Variants in PDCD7 observed in about 807,000 individuals in gnomAD.
PDCD7 encodes programmed cell death 7, also known as programmed cell death protein 7.
A neutral mutation model predicts 42.1 loss-of-function variants in PDCD7; 40 were observed. The ratio of observed to expected loss-of-function variants is 0.95; its 90% CI spans 0.74 to 1.24. The LOEUF (loss-of-function observed/expected upper bound fraction) is 1.24. PDCD7 is among the 50% of genes most tolerant of loss of function. The pLI, the probability that PDCD7 is intolerant of heterozygous loss-of-function variation, is 0.00. For synonymous variants in PDCD7, 299 were observed against 303.3 expected, an observed-to-expected ratio of 0.99 and a Z score of 0.15; for missense variants, 644 against 662.8, an observed-to-expected ratio of 0.97 and a Z score of 0.31.
chr15:65,132,830 G>C (rs2087552172), intron 1 of PDCD7, 82 bp downstream of exon 1: 8 of 1,572,798 alleles, frequency 5.1e-6, no homozygotes, highest in Non-Finnish European at 6.9e-6. Context: ...CTTAGCCCTG[G>C]GAAATGGAAG....
intron 1 of PDCD7, among the ~76,000 whole-genome samples, chr15:65,131,819 T>TA (rs2087542085): frequency 6.6e-6 from 1 of 152,072 alleles, no homozygotes; most frequent in Non-Finnish European, 1.5e-5. Flanking sequence ...TGGCCCTGCT[T>TA]AAAGAGTCTG....
Position 65,132,955 on chromosome 15 carries a change from C to T in PDCD7, c.827G>A (p.Arg276His). 6.2e-7 allele frequency: 1 copy of T among 1,606,448 alleles called. No individual in the cohort carries two copies. The change falls in exon 1 of 5, where the codon CGC (arginine) becomes CAC (histidine). Residue 276 changes from arginine to histidine, a missense_variant. Coordinates refer to ENST00000204549, the MANE Select transcript of PDCD7 (RefSeq NM_005707.2). ...RAVEREQEID[R>H]WRVKCVQEVE... is the part of the protein sequence containing the mutation. ...CTCCTGCACACACTTCACCCTCCAG[C>T]GGTCAATCTCCTGCTCGCGTTCCAC...
At chr15:65,120,450 CCCTA>C (rs1356829046) in intron 2 of PDCD7, among the ~76,000 whole-genome samples, 1 of 152,140 alleles carries the variant, frequency 6.6e-6, no homozygotes, top group African/African-American at 2.4e-5. Flanking sequence ...CTGTGCCTGG[CCCTA>C]CCTACTAATT....
Position 65,133,102 on chromosome 15 carries a change from G to T in PDCD7, c.680C>A (p.Thr227Asn). The T allele has an allele frequency of 6.4e-7, 1 of 1,555,946 alleles. No individual in the cohort carries two copies. Among genetic ancestry groups the T allele is most frequent in the Non-Finnish European group, 8.6e-7 (1 of 1,157,862 alleles). Residue 227 changes from threonine to asparagine, a missense_variant, in exon 1 of 5, where the codon ACC becomes AAC. Thr to Asn is a moderately conservative substitution (Grantham distance 65). Transcript: ENST00000204549. The stretch of plus-strand genomic sequence containing the variant: ...CGCCTCGCCCACATAGGCAGCCTGG[G>T]TCAACGGCTGTAGCCGCTCGGCCAG... ...AELAERLQPL[T>N]QAAYVGEARR...
intron 2 of PDCD7, among the ~76,000 whole-genome samples, chr15:65,121,496 G>A (rs1223812806): frequency 1.3e-5 from 2 of 152,132 alleles, no homozygotes; most frequent in African/African-American, 2.4e-5. Flanking sequence ...TTCTTCCTCT[G>A]ACTGAGTGTG....
At chr15:65,128,979 CTAGAG>C (rs2087517641) in intron 2 of PDCD7, 48 bp downstream of exon 2, 4 of 1,595,778 alleles carry the variant, frequency 2.5e-6, no homozygotes, top group Non-Finnish European at 3.4e-6. Context: ...GTGGGAGGAG[CTAGAG>C]TAAAGAAGGG....
Position 65,133,170 on chromosome 15 carries a change from G to A in PDCD7, c.612C>T (p.Ala204=). Residue 204 remains alanine, a synonymous_variant, in exon 1 of 5, where the codon GCC becomes GCT. Coordinates refer to ENST00000204549, the MANE Select transcript of PDCD7 (RefSeq NM_005707.2). ...ALREAEADGA[A]WVLLYSQTAP... is the part of the protein sequence containing the mutation. The stretch of plus-strand genomic sequence containing the variant: ...CGGTCTGGGAGTACAGCAGGACCCA[G>A]GCCGCGCCGTCGGCTTCGGCCTCGC... 1.4e-6 allele frequency: 2 copies of A among 1,464,518 alleles called. No individual in the cohort carries two copies. The highest frequency in any genetic ancestry group is 1.8e-6 in the Non-Finnish European group (2 of 1,118,860). 90.7% of individuals were successfully genotyped at this position (1,464,518 alleles called of 1,614,324 possible). A position where few individuals can be genotyped will look rare whatever the true frequency, so the allele number is the denominator to read the frequency against.
Position 65,133,633 on chromosome 15 carries a change from C to G in PDCD7, c.149G>C (p.Gly50Ala), listed in dbSNP as rs1367652054. Reference sequence around the variant, plus strand: ...AGGCTGAAGGAAGGGGGCGGAGGCCCCCGGAAAAGGGCCGGGCCGCTGGGG... The same window carrying G: ...AGGCTGAAGGAAGGGGGCGGAGGCCGCCGGAAAAGGGCCGGGCCGCTGGGG... ...PLPQRPGPFP[G>A]ASAPFLQPPL... The change falls in exon 1 of 5, where the codon GGG becomes GCG. Residue 50 changes from glycine (G) to alanine (A), a missense_variant. Gly to Ala is a moderately conservative substitution (Grantham distance 60, BLOSUM62 0). Transcript: ENST00000204549. 7.2e-6 allele frequency: 9 copies of G among 1,252,164 alleles called. No homozygotes were observed. The highest frequency in any genetic ancestry group is 9.0e-6 in the Non-Finnish European group (9 of 995,174). The allele number at this position is 1,252,164 out of a possible 1,614,324, so 77.6% of individuals were successfully genotyped here.
chr15:65,125,524 C>A (rs2087488679), intron 2 of PDCD7, among the ~76,000 whole-genome samples: 1 of 152,224 alleles, frequency 6.6e-6, no homozygotes, highest in Admixed American at 6.5e-5. Context: ...CACCACTCCA[C>A]TGAAATGCCC....
rs1027357622 is a variant in PDCD7, at chr15:65,120,038, T to C, written c.1010-84A>G. 10 of 1,427,354 alleles carry C rather than the reference T, an allele frequency of 7.0e-6. 1 individual carries two copies. The highest frequency in any genetic ancestry group is 2.3e-5 in the East Asian group (1 of 43,894). 88.4% of individuals were successfully genotyped at this position (1,427,354 alleles called of 1,614,324 possible). A position where few individuals can be genotyped will look rare whatever the true frequency, so the allele number is the denominator to read the frequency against. ...CTCTAACACCCAGGCTGGAGTACAG[T>C]GGTGTGATCATAGCTCACTGCAACT... On this transcript the variant is annotated intron_variant, in intron 2 of 4. Transcript: ENST00000204549.
In PDCD7 at chr15:65,129,109, T is replaced by A. The variant is rs1379806312; in HGVS notation, c.932A>T (p.Asp311Val). The change falls in exon 2 of 5, where the codon GAT (aspartate) becomes GTT (valine). Residue 311 changes from aspartate to valine, a missense_variant. Transcript: ENST00000204549. Reference protein sequence around the residue: ...VLSEVRKKQADTKRMVDILRA... With the variant: ...VLSEVRKKQAVTKRMVDILRA... ...TAGAATGTCCACCATTCTTTTGGTA[T>A]CTGCTTGTTTTTTCCTCACTTCAGA... 2 of 1,614,082 alleles carry A rather than the reference T, an allele frequency of 1.2e-6. No homozygotes were observed. The highest frequency in any genetic ancestry group is 2.2e-5 in the South Asian group (2 of 91,080).
chr15:65,127,919 C>T (rs939356271), intron 2 of PDCD7, among the ~76,000 whole-genome samples: 4 of 152,202 alleles, frequency 2.6e-5, no homozygotes, highest in Non-Finnish European at 5.9e-5. Context: ...AAAGCAGATG[C>T]TAACTTCCCT....
intron 4 of PDCD7, 67 bp from the exon 5 acceptor site, chr15:65,118,907 A>G (rs2087429420): frequency 4.9e-6 from 6 of 1,230,340 alleles, no homozygotes; most frequent in South Asian, 3.7e-5. Context: ...TTCAGCAACT[A>G]CATATTCTAA....
chr15:65,128,431 G>A (rs117066775), intron 2 of PDCD7, among the ~76,000 whole-genome samples: 1 of 152,270 alleles, frequency 6.6e-6, no homozygotes, highest in East Asian at 1.9e-4. Flanking sequence ...AGCACAATTG[G>A]GTAACTTCTA....
At position 65,133,310 on chromosome 15, in the gene PDCD7, C is replaced by G; in HGVS notation, c.472G>C (p.Gly158Arg). ...TGCGTGCGCTGGGGCACCGGACAGC[C>G]TGCCCGCCGCGGGGTCCCGAACACC... ...EAVFGTPRRA[G>R]CPVPQRTHAG... Residue 158 changes from glycine (G) to arginine (R), a missense_variant, in exon 1 of 5, where the codon GGC (glycine) becomes CGC (arginine). Gly to Arg is a moderately radical substitution (Grantham distance 125). Transcript: ENST00000204549. 1 of 1,295,786 alleles carries G rather than the reference C, an allele frequency of 7.7e-7. No individual in the cohort carries two copies. Among genetic ancestry groups the G allele is most frequent in the Non-Finnish European group, 9.8e-7 (1 of 1,025,348 alleles). 80.3% of individuals were successfully genotyped at this position (1,295,786 alleles called of 1,614,324 possible).
intron 1 of PDCD7, 83 bp downstream of exon 1, chr15:65,132,829 G>A: frequency 6.4e-7 from 1 of 1,571,258 alleles, no homozygotes; most frequent in East Asian, 2.3e-5. Flanking sequence ...GCTTAGCCCT[G>A]GGAAATGGAA....
In PDCD7 at chr15:65,129,181, A is replaced by T. The variant is rs767533993; in HGVS notation, c.871-11T>A. 1 of 1,613,404 alleles carries T rather than the reference A, an allele frequency of 6.2e-7. No individual in the cohort carries two copies. Among genetic ancestry groups the T allele is most frequent in the Non-Finnish European group, 8.5e-7 (1 of 1,179,814 alleles). ...TTTGAGTTCCTGCTCCTGGAAGAGA[A>T]ACAAAGCCCATGAGACCTCGTATTA... is the stretch of plus-strand genomic sequence containing the variant. On this transcript the variant is annotated splice_polypyrimidine_tract_variant and intron_variant, in intron 1 of 4. Transcript: ENST00000204549.
chr15:65,120,922 AT>A (rs953770097), intron 2 of PDCD7, among the ~76,000 whole-genome samples: 13 of 152,256 alleles, frequency 8.5e-5, no homozygotes, highest in African/African-American at 3.1e-4. Context: ...ATCGGTTAAA[AT>A]TTAGAAATTT....
chr15:65,129,106 G>C lies in PDCD7; in HGVS notation c.935C>G (p.Thr312Ser). 1.9e-6 allele frequency: 3 copies of C among 1,613,930 alleles called. No homozygotes were observed. Among genetic ancestry groups the C allele is most frequent in the Non-Finnish European group, 2.5e-6 (3 of 1,179,884 alleles). The change falls in exon 2 of 5, where the codon ACC becomes AGC. Residue 312 changes from threonine to serine, a missense_variant. Physicochemically the swap from Thr to Ser is moderately conservative, Grantham distance 58 (BLOSUM62 1). Coordinates refer to ENST00000204549, the MANE Select transcript of PDCD7 (RefSeq NM_005707.2). Reference protein sequence around the residue: ...LSEVRKKQADTKRMVDILRAL... With the variant: ...LSEVRKKQADSKRMVDILRAL... ...CCGTAGAATGTCCACCATTCTTTTG[G>C]TATCTGCTTGTTTTTTCCTCACTTC...
Sources: allele counts gnomAD v4.1 joint callset (sites outside exome capture counted in the v4.1 genomes callset), GRCh38; gene constraint gnomAD v4.1.1; transcripts MANE v1.5; gene names NCBI Gene and HGNC (gene_info 2026-07-23, HGNC 2026-07-21).